MDGA2: variants seen among roughly 807,000 people sequenced by gnomAD.
The protein encoded by MDGA2 is MAM domain-containing glycosylphosphatidylinositol anchor protein 2.
MDGA2 carries 40 observed loss-of-function variants against 117.8 expected under a neutral mutation model. That is an observed-to-expected ratio of 0.34 (90% CI 0.26 to 0.44). The LOEUF (loss-of-function observed/expected upper bound fraction) is 0.44, where lower values mean the gene tolerates loss of function less well. Ranked by LOEUF, MDGA2 falls within the 20% of genes least tolerant of loss-of-function variation. The pLI is 1.00. For synonymous variants in MDGA2, 452 were observed against 439.0 expected, an observed-to-expected ratio of 1.03 and a Z score of -0.37; for missense variants, 1,123 against 1,250.6, an observed-to-expected ratio of 0.90 and a Z score of 1.54.
chr14:47,095,944 A>AG (rs1375504113), intron 6 of MDGA2, among the ~76,000 whole-genome samples: 1 of 151,974 alleles, frequency 6.6e-6, no homozygotes, highest in Non-Finnish European at 1.5e-5. Flanking sequence ...CAGAGGCCTC[A>AG]GTGTGCACCC....
rs373091620 is a variant in MDGA2, at chr14:46,957,658, T to C, written c.1820-15A>G. ...TGCAGGGGGATCTGTAGAAAAGATA[T>C]GTAAAAACAGATGAAAGATGTGACT... On this transcript the variant is annotated splice_polypyrimidine_tract_variant and intron_variant, in intron 8 of 16. Transcript: ENST00000399232. 4.0e-5 allele frequency: 64 copies of C among 1,612,434 alleles called. No individual in the cohort carries two copies. The highest frequency in any genetic ancestry group is 3.8e-4 in the East Asian group (17 of 44,854).
chr14:47,157,595 A>ATATG (rs1281939078), intron 3 of MDGA2, among the ~76,000 whole-genome samples: 1 of 144,436 alleles, frequency 6.9e-6, no homozygotes, highest in Non-Finnish European at 1.5e-5. Flanking sequence ...ATGTACATAT[A>ATATG]TGTGTGTGTG....
chr14:47,155,942 C>G (rs186184749), intron 3 of MDGA2, among the ~76,000 whole-genome samples: 1,863 of 84,188 alleles, frequency 0.022, 70 homozygotes, highest in African/African-American at 0.072. Flanking sequence ...GAGACAGAGT[C>G]TCTGTCACCC....
chr14:47,188,377 C>T (rs1358668851), intron 3 of MDGA2, among the ~76,000 whole-genome samples: 1 of 152,198 alleles, frequency 6.6e-6, no homozygotes, highest in Non-Finnish European at 1.5e-5. Flanking sequence ...ATGTTGTGTG[C>T]TGCCACATGG....
rs1891308485 is a variant in MDGA2 at position 47,369,862 on chromosome 14, G to A, written c.281-68312C>T. On this transcript the variant is annotated intron_variant, in intron 1 of 16. Coordinates refer to ENST00000399232, the MANE Select transcript of MDGA2 (RefSeq NM_001113498.3). ...TTATATATTTGTAGCATATAACTAG[G>A]CACTTAGTTTTTAATAGGTTTATAA... 2.6e-5 allele frequency among the ~76,000 whole-genome samples: 4 copies of A among 151,646 alleles called. No individual in the cohort carries two copies. In the South Asian group the frequency reaches 8.4e-4, roughly 32 times the overall value.
intron 1 of MDGA2, among the ~76,000 whole-genome samples, chr14:47,659,825 T>C (rs1349239530): frequency 6.6e-6 from 1 of 152,230 alleles, no homozygotes; most frequent in East Asian, 1.9e-4. Context: ...TAAACTCTTA[T>C]GAACTTGGAT....
intron 14 of MDGA2, 102 bp downstream of exon 14, chr14:46,873,331 G>A: frequency 9.7e-7 from 1 of 1,028,416 alleles, no homozygotes; most frequent in East Asian, 2.8e-5. Flanking sequence ...GTGAATTATA[G>A]CATTCTTTGA....
intron 3 of MDGA2, chr14:47,200,516 CTT>C: frequency 1.7e-6 from 1 of 605,010 alleles, no homozygotes; most frequent in Non-Finnish European, 2.6e-6. Context: ...TTTTTCTTTT[CTT>C]TTTTCTTTTT....
chr14:47,028,166 T>C (rs1357087249), intron 8 of MDGA2, among the ~76,000 whole-genome samples: 1 of 152,148 alleles, frequency 6.6e-6, no homozygotes, highest in Non-Finnish European at 1.5e-5. Flanking sequence ...ATTATCCTTA[T>C]AGTGGCAATG....
chr14:47,032,167 T>G (rs186876950), intron 8 of MDGA2, among the ~76,000 whole-genome samples: 28 of 152,176 alleles, frequency 1.8e-4, no homozygotes, highest in Middle Eastern at 3.4e-3. Context: ...AAAATATATA[T>G]AGAGAGGTAT....
intron 8 of MDGA2, among the ~76,000 whole-genome samples, chr14:47,007,851 C>T (rs553807593): frequency 1.3e-4 from 19 of 151,818 alleles, no homozygotes; most frequent in Admixed American, 1.1e-3. Flanking sequence ...GTTTCCTTTG[C>T]TAGAATTATA....
rs1005468510 is a variant in MDGA2 at position 46,884,164 on chromosome 14, T to C, written c.2239-1943A>G. Among the ~76,000 whole-genome samples the C allele has an allele frequency of 6.6e-6, 1 of 152,154 alleles. No individual in the cohort carries two copies. Among genetic ancestry groups the C allele is most frequent in the African/African-American group, 2.4e-5 (1 of 41,442 alleles). On this transcript the variant is annotated intron_variant, in intron 10 of 16. Coordinates refer to ENST00000399232, the MANE Select transcript of MDGA2 (RefSeq NM_001113498.3). This position sits in a 1 kb window ranked among gnomAD's most constrained non-coding sequence, Gnocchi z 4.1. Reference sequence around the variant, plus strand: ...CCTACTTTTACTTTGATTGTGAAACTCTTTGGTGTCACAAATTAGAGTGGA... The same window carrying C: ...CCTACTTTTACTTTGATTGTGAAACCCTTTGGTGTCACAAATTAGAGTGGA...
At chr14:47,532,276 T>C (rs1300053994) in intron 1 of MDGA2, among the ~76,000 whole-genome samples, 2 of 152,230 alleles carry the variant, frequency 1.3e-5, no homozygotes, top group African/African-American at 2.4e-5. Flanking sequence ...TCCATTTTAA[T>C]TGGCATTATA....
chr14:47,072,112 G>GGGT (rs1555349486), intron 6 of MDGA2, among the ~76,000 whole-genome samples: 2 of 106,952 alleles, frequency 1.9e-5, no homozygotes, highest in East Asian at 5.8e-4. Context: ...GGGGGGGGGG[G>GGGT]GGTTTGCAGG....
intron 8 of MDGA2, among the ~76,000 whole-genome samples, chr14:46,990,864 A>ACC (rs1431923801): frequency 1.1e-4 from 7 of 61,218 alleles, no homozygotes; most frequent in South Asian, 6.7e-4. Flanking sequence ...ACACACACAC[A>ACC]CCCACACACA....
intron 3 of MDGA2, among the ~76,000 whole-genome samples, chr14:47,198,563 C>A (rs1245100353): frequency 1.3e-5 from 2 of 151,800 alleles, no homozygotes; most frequent in Non-Finnish European, 2.9e-5. Flanking sequence ...CAGAGCGAGA[C>A]TCCGTCTCAA....
intron 2 of MDGA2, among the ~76,000 whole-genome samples, chr14:47,264,884 G>A (rs1887914127): frequency 6.6e-6 from 1 of 151,912 alleles, no homozygotes; most frequent in Non-Finnish European, 1.5e-5. Context: ...GCCCCCATGT[G>A]TGATGTTCCC....
chr14:47,260,490 T>C (rs1377002408), intron 2 of MDGA2, among the ~76,000 whole-genome samples: 5 of 152,028 alleles, frequency 3.3e-5, no homozygotes, highest in Admixed American at 3.3e-4. Flanking sequence ...AGAAGGTGTC[T>C]CTCTTGAAAG....
At chr14:47,002,175 C>T (rs903220738) in intron 8 of MDGA2, among the ~76,000 whole-genome samples, 1 of 151,834 alleles carries the variant, frequency 6.6e-6, no homozygotes, top group Non-Finnish European at 1.5e-5. Context: ...ATTTCATAAA[C>T]CTTCCCAATG....
Sources: allele counts gnomAD v4.1 joint callset (sites outside exome capture counted in the v4.1 genomes callset), GRCh38; gene constraint gnomAD v4.1.1; non-coding constraint Gnocchi (gnomAD v3.1); transcripts MANE v1.5; gene names NCBI Gene and HGNC (gene_info 2026-07-23, HGNC 2026-07-21).